SEC24B: variants seen among roughly 807,000 people sequenced by gnomAD.
The protein encoded by SEC24B is protein transport protein Sec24B.
SEC24B carries 45 observed loss-of-function variants against 142.8 expected under a neutral mutation model. The observed-to-expected ratio is 0.32, with a 90% CI of 0.25 to 0.40. The LOEUF (loss-of-function observed/expected upper bound fraction) is 0.40, where lower values mean the gene tolerates loss of function less well. Ranked by LOEUF, SEC24B falls within the 10% of genes least tolerant of loss-of-function variation. The pLI, the probability that SEC24B is intolerant of heterozygous loss-of-function variation, is 1.00. For missense variants in SEC24B, 1,409 were observed against 1,526.8 expected, an observed-to-expected ratio of 0.92 and a Z score of 1.29; for synonymous variants, 574 against 568.2, an observed-to-expected ratio of 1.01 and a Z score of -0.15.
At chr4:109,501,414 T>C (rs201981330) in intron 6 of SEC24B, among the ~76,000 whole-genome samples, 1 of 152,358 alleles carries the variant, frequency 6.6e-6, no homozygotes, top group East Asian at 1.9e-4. Flanking sequence ...ACACACAATT[T>C]GTGCATTTGC....
At chr4:109,512,406 A>C (rs1397515159) in intron 9 of SEC24B, among the ~76,000 whole-genome samples, 1 of 152,074 alleles carries the variant, frequency 6.6e-6, no homozygotes, top group African/African-American at 2.4e-5. Flanking sequence ...GGTTCATTCA[A>C]CTCAGGTAGA....
chr4:109,526,091 C>A, intron 16 of SEC24B, 135 bp from the exon 17 acceptor site: 2 of 760,902 alleles, frequency 2.6e-6, no homozygotes, highest in Non-Finnish European at 4.3e-6. Context: ...AGAAACTCTG[C>A]CTATGCTTGA....
At chr4:109,492,017 ATCTC>A (rs1054830826) in intron 5 of SEC24B, among the ~76,000 whole-genome samples, 1 of 151,788 alleles carries the variant, frequency 6.6e-6, no homozygotes, top group South Asian at 2.1e-4. Context: ...ACTGTACCTG[ATCTC>A]TCTCTCTCTT....
In SEC24B at chr4:109,540,210, T is replaced by C. The variant is rs1726038452; in HGVS notation, c.*535T>C. 6.5e-6 allele frequency: 1 copy of C among 152,742 alleles called. No individual in the cohort carries two copies. Among genetic ancestry groups the C allele is most frequent in the Admixed American group, 6.5e-5 (1 of 15,286 alleles). The allele number at this position is 152,742 out of a possible 1,614,324, so 9.5% of individuals were successfully genotyped here. A position where few individuals can be genotyped will look rare whatever the true frequency, so the allele number is the denominator to read the frequency against. ...TACATGAACTATAGAAAAAAATCTA[T>C]ATATAATGTACATAAATGTTACATT... On this transcript the variant is annotated 3_prime_UTR_variant, in exon 24 of 24. Coordinates refer to ENST00000265175, the MANE Select transcript of SEC24B (RefSeq NM_006323.5).
chr4:109,529,693 A>C (rs1220953397), intron 18 of SEC24B, among the ~76,000 whole-genome samples: 1 of 152,180 alleles, frequency 6.6e-6, no homozygotes, highest in Admixed American at 6.5e-5. Flanking sequence ...GCTTTTTCAG[A>C]AGTAAATGGA....
intron 5 of SEC24B, among the ~76,000 whole-genome samples, chr4:109,492,878 CT>C (rs1182394246): frequency 0.015 from 2,018 of 138,788 alleles, 32 homozygotes; most frequent in African/African-American, 0.042. Flanking sequence ...CCATATCCAG[CT>C]TTTTTTTTTT....
chr4:109,463,523 A>C lies in SEC24B; in HGVS notation c.756A>C (p.Gln252His). The C allele has an allele frequency of 6.2e-7, 1 of 1,614,124 alleles. No individual in the cohort carries two copies. Among genetic ancestry groups the C allele is most frequent in the Non-Finnish European group, 8.5e-7 (1 of 1,180,024 alleles). ...CATCACAACAGCACCACCAGCAGCA[A>C]AGTCTTTCAGGATACAGTACTCTAA... ...PLPSQQHHQQ[Q>H]SLSGYSTLTW... The change falls in exon 2 of 24, where the codon CAA becomes CAC. Residue 252 changes from glutamine to histidine, a missense_variant. This residue lies in a region of SEC24B where 709 missense variants were observed against 673.5 expected (regional missense o/e 1.05). Coordinates refer to ENST00000265175, the MANE Select transcript of SEC24B (RefSeq NM_006323.5).
At chr4:109,505,767 GCTAGTTAGGTTCATATAAAAGGA>G (rs1245662351) in intron 6 of SEC24B, among the ~76,000 whole-genome samples, 1 of 152,102 alleles carries the variant, frequency 6.6e-6, no homozygotes, top group Non-Finnish European at 1.5e-5. Flanking sequence ...ACTATCAAAG[GCTAGTTAGGTTCATATAAAAGGA>G]CACTGGGGCC....
intron 1 of SEC24B, chr4:109,451,160 T>G (rs1561069432): frequency 6.6e-6 from 1 of 152,190 alleles, no homozygotes; most frequent in Non-Finnish European, 1.5e-5. Context: ...TATTCAATCA[T>G]TTGTGTATGT....
intron 6 of SEC24B, among the ~76,000 whole-genome samples, chr4:109,504,524 T>G (rs1040759812): frequency 2.6e-5 from 4 of 152,182 alleles, no homozygotes; most frequent in African/African-American, 9.6e-5. Flanking sequence ...AACTTATTTC[T>G]GTTTCATTTT....
intron 4 of SEC24B, among the ~76,000 whole-genome samples, chr4:109,491,048 AGTTTT>A (rs1422961207): frequency 4.2e-5 from 6 of 143,678 alleles, no homozygotes; most frequent in Non-Finnish European, 9.7e-5. Flanking sequence ...GTGTTTGACT[AGTTTT>A]AATAGTTTAA....
chr4:109,498,868 C>T (rs1735812716), intron 6 of SEC24B, among the ~76,000 whole-genome samples: 1 of 147,098 alleles, frequency 6.8e-6, no homozygotes. Context: ...TGGTTTTTGA[C>T]AGGAAAAAAA....
At chr4:109,455,049 A>G (rs1007937930) in intron 1 of SEC24B, among the ~76,000 whole-genome samples, 5 of 152,164 alleles carry the variant, frequency 3.3e-5, no homozygotes, top group South Asian at 2.1e-4. Context: ...AGTTTCCTCT[A>G]TCTTTGGGTC....
rs1192402194 is a variant in SEC24B, at chr4:109,494,637, C to T, written c.1269C>T (p.Ser423=). 2 of 1,613,884 alleles carry T rather than the reference C, an allele frequency of 1.2e-6. No homozygotes were observed. The highest frequency in any genetic ancestry group is 1.3e-5 in the African/African-American group (1 of 74,926). ...SYPDMLSSSA[S]SPAPDPAPEP... ...TAGATATGCTTTCTTCATCAGCAAG[C>T]AGTCCTGCTCCTGATCCCGCCCCTG... Residue 423 remains serine, a synonymous_variant, in exon 6 of 24, where the codon AGC becomes AGT. Coordinates refer to ENST00000265175, the MANE Select transcript of SEC24B (RefSeq NM_006323.5).
intron 11 of SEC24B, among the ~76,000 whole-genome samples, chr4:109,518,740 CG>C (rs985682115): frequency 2.6e-5 from 4 of 151,134 alleles, no homozygotes; most frequent in African/African-American, 9.7e-5. Flanking sequence ...TGAGTGGCAA[CG>C]GAAGACTGCT....
chr4:109,533,018 A>T (rs1725098582), intron 21 of SEC24B, among the ~76,000 whole-genome samples: 1 of 152,188 alleles, frequency 6.6e-6, no homozygotes, highest in Non-Finnish European at 1.5e-5. Flanking sequence ...TATATACTTG[A>T]TGAAGAGAAC....
rs532711829 is a variant in SEC24B at position 109,434,615 on chromosome 4, A to G, written c.133+613A>G. On this transcript the variant is annotated intron_variant, in intron 1 of 23. Transcript: ENST00000265175. ...CTATATAAGTGTAACTGTAACCCTGACCCAGTTCGGCCTCAAGAACTGTCA... is the reference window on the plus strand; with the variant it reads ...CTATATAAGTGTAACTGTAACCCTGGCCCAGTTCGGCCTCAAGAACTGTCA... 3.7e-4 allele frequency among the ~76,000 whole-genome samples: 56 copies of G among 152,308 alleles called. 1 individual carries two copies. In the South Asian group the frequency reaches 0.01, roughly 28 times the overall value.
intron 1 of SEC24B, among the ~76,000 whole-genome samples, chr4:109,459,382 G>T (rs1731030857): frequency 6.6e-6 from 1 of 152,060 alleles, no homozygotes; most frequent in Non-Finnish European, 1.5e-5. Context: ...TGCTATAAGT[G>T]TAAAATACAT....
At chr4:109,436,908 A>G (rs1021258219) in intron 1 of SEC24B, among the ~76,000 whole-genome samples, 2 of 152,178 alleles carry the variant, frequency 1.3e-5, no homozygotes, top group Non-Finnish European at 2.9e-5. Context: ...GTTCATCTGT[A>G]TCCTTTGTAA....
Sources: allele counts gnomAD v4.1 joint callset (sites outside exome capture counted in the v4.1 genomes callset), GRCh38; gene constraint gnomAD v4.1.1; regional missense constraint gnomAD v4.1.1; transcripts MANE v1.5; gene names NCBI Gene and HGNC (gene_info 2026-07-23, HGNC 2026-07-21).